CACNB4: variants seen among roughly 807,000 people sequenced by gnomAD.
CACNB4 encodes the protein voltage-dependent L-type calcium channel subunit beta-4.
Under a neutral mutation model 71.2 loss-of-function variants are expected in CACNB4, and 32 were observed. That is an observed-to-expected ratio of 0.45 (90% confidence interval 0.34 to 0.60). The LOEUF is 0.60. Ranked by LOEUF, CACNB4 falls within the 20% of genes least tolerant of loss-of-function variation. The pLI is 0.01. For missense variants in CACNB4, 464 were observed against 647.9 expected (o/e 0.72, Z 3.08); for synonymous variants, 231 against 236.9 (o/e 0.97, Z 0.23).
rs891821178 is a variant in CACNB4, at chr2:151,951,115, G to A, written c.148-67745C>T. On this transcript the variant is annotated intron_variant, in intron 2 of 13. Transcript: ENST00000539935. ...TAATTTTTGTATTTTCAGTAGAGAC[G>A]GGGTTTCGCCATGTTGGCCAGACTA... is the stretch of plus-strand genomic sequence containing the variant. Among the ~76,000 whole-genome samples, 5 of 151,986 alleles carry A rather than the reference G, an allele frequency of 3.3e-5. No homozygotes were observed. In the East Asian group the frequency reaches 5.8e-4, roughly 18 times the overall value.
rs188932067 is a variant in CACNB4, at chr2:151,879,523, A to G, written c.390+1277T>C. ...CCTTCTAAGTGATGGATGAGAGGGAAGGCTATAACTTGATTATAGAAATGT... is the reference window on the plus strand; with the variant it reads ...CCTTCTAAGTGATGGATGAGAGGGAGGGCTATAACTTGATTATAGAAATGT... On this transcript the variant is annotated intron_variant, in intron 4 of 13. Transcript: ENST00000539935. 1.2e-4 allele frequency: 19 copies of G among 152,196 alleles called. No homozygotes were observed. In the East Asian group the frequency reaches 3.7e-3, roughly 29 times the overall value. 9.4% of individuals were successfully genotyped at this position (152,196 alleles called of 1,614,324 possible).
At chr2:151,907,289 C>T (rs2099855063) in intron 2 of CACNB4, among the ~76,000 whole-genome samples, 1 of 152,166 alleles carries the variant, frequency 6.6e-6, no homozygotes, top group Non-Finnish European at 1.5e-5. Flanking sequence ...AGTTTATGTT[C>T]ATATTTTTTC....
At chr2:151,927,963 T>G (rs1358341555) in intron 2 of CACNB4, among the ~76,000 whole-genome samples, 1 of 152,104 alleles carries the variant, frequency 6.6e-6, no homozygotes, top group Non-Finnish European at 1.5e-5. Flanking sequence ...CAGCAGAAAC[T>G]GAAAGGCCAC....
rs373684966 is a variant in CACNB4, at chr2:152,080,758, G to C, written c.147+17572C>G. On this transcript the variant is annotated intron_variant, in intron 2 of 13. Transcript: ENST00000539935. Reference sequence around the variant, plus strand: ...CAATGTTAGAGGCAGGGCTTACCTAGTAGGAGGTGCTTGGGTCATGAGGCA... The same window carrying C: ...CAATGTTAGAGGCAGGGCTTACCTACTAGGAGGTGCTTGGGTCATGAGGCA... Among the ~76,000 whole-genome samples, 104 of 152,266 alleles carry C rather than the reference G, an allele frequency of 6.8e-4. 2 individuals carry two copies. The South Asian group carries it at 0.021, about 31-fold the overall frequency.
chr2:151,923,704 A>T (rs1468643219), intron 2 of CACNB4, among the ~76,000 whole-genome samples: 1 of 152,236 alleles, frequency 6.6e-6, no homozygotes, highest in Non-Finnish European at 1.5e-5. Context: ...ATGCAAGAAG[A>T]ACCATAAGAC....
chr2:151,844,242 C>T (rs2099836973), intron 12 of CACNB4, among the ~76,000 whole-genome samples: 1 of 152,154 alleles, frequency 6.6e-6, no homozygotes, highest in South Asian at 2.1e-4. Context: ...ATCTATGTCA[C>T]ACTGGGACTT....
intron 2 of CACNB4, chr2:151,971,499 C>A (rs757018184): frequency 2.1e-5 from 15 of 702,718 alleles, no homozygotes; most frequent in Admixed American, 8.0e-5. Flanking sequence ...TCCACCAGAC[C>A]TGTTCCGAGA....
intron 2 of CACNB4, among the ~76,000 whole-genome samples, chr2:151,963,210 G>C (rs1398366627): frequency 6.6e-6 from 1 of 151,522 alleles, no homozygotes; most frequent in Non-Finnish European, 1.5e-5. Context: ...TACATGGGAG[G>C]CTGAGGCAGG....
chr2:152,066,153 C>G (rs1448040096), intron 2 of CACNB4, among the ~76,000 whole-genome samples: 3 of 152,156 alleles, frequency 2.0e-5, no homozygotes, highest in Non-Finnish European at 4.4e-5. Flanking sequence ...GCAGGCTCAA[C>G]CAGATTCAAA....
At chr2:152,019,071 T>C (rs537672180) in intron 2 of CACNB4, among the ~76,000 whole-genome samples, 10 of 152,240 alleles carry the variant, frequency 6.6e-5, no homozygotes, top group Non-Finnish European at 1.5e-4. Context: ...CTCTGCTGCT[T>C]GGAAAATGTA....
chr2:151,842,353 C>T (rs551914126), intron 12 of CACNB4, among the ~76,000 whole-genome samples: 9 of 98,788 alleles, frequency 9.1e-5, no homozygotes, highest in East Asian at 8.0e-4. Context: ...TTTTTTAAGA[C>T]GGAGTCTCAT....
At chr2:151,969,388 C>T (rs1560090869) in intron 2 of CACNB4, 1 of 152,152 alleles carries the variant, frequency 6.6e-6, no homozygotes, top group African/African-American at 2.4e-5. Context: ...GAAGTTTATC[C>T]GCCTCCCTAG....
At chr2:151,985,220 G>C (rs1389187065) in intron 2 of CACNB4, among the ~76,000 whole-genome samples, 1 of 152,058 alleles carries the variant, frequency 6.6e-6, no homozygotes, top group Non-Finnish European at 1.5e-5. Context: ...TATCTTTGTA[G>C]GCATTTGTTT....
chr2:151,887,805 GA>G (rs2099849744), intron 2 of CACNB4, among the ~76,000 whole-genome samples: 1 of 152,164 alleles, frequency 6.6e-6, no homozygotes. Flanking sequence ...GGCTCCAGAT[GA>G]AACATCATTT....
chr2:151,919,852 A>C (rs2099858474), intron 2 of CACNB4, among the ~76,000 whole-genome samples: 1 of 151,846 alleles, frequency 6.6e-6, no homozygotes, highest in Non-Finnish European at 1.5e-5. Flanking sequence ...AAACAAACAA[A>C]CAACAACAAC....
intron 2 of CACNB4, among the ~76,000 whole-genome samples, chr2:152,022,308 C>T (rs1004715602): frequency 1.3e-5 from 2 of 152,272 alleles, no homozygotes; most frequent in Non-Finnish European, 1.5e-5. Flanking sequence ...CATACTCAGC[C>T]CGTAGCCATC....
intron 2 of CACNB4, among the ~76,000 whole-genome samples, chr2:151,994,514 C>T (rs376603130): frequency 2.0e-5 from 3 of 150,016 alleles, no homozygotes; most frequent in Non-Finnish European, 4.4e-5. Context: ...CCAAAAGGGT[C>T]CCCCCTTTTT....
chr2:151,927,945 G>A lies in CACNB4; in HGVS notation c.148-44575C>T, dbSNP rs1447963509. On this transcript the variant is annotated intron_variant, in intron 2 of 13. Coordinates refer to ENST00000539935, the MANE Select transcript of CACNB4 (RefSeq NM_000726.5). ...ACATAAGAAAAAGGAAAATCTTTGC[G>A]CAGGCAGCAGCAGAAACTGAAAGGC... Among the ~76,000 whole-genome samples the A allele has an allele frequency of 5.9e-5, 9 of 152,262 alleles. 1 individual carries two copies. The highest frequency in any genetic ancestry group is 2.1e-4 in the South Asian group (1 of 4,826).
intron 12 of CACNB4, among the ~76,000 whole-genome samples, chr2:151,846,780 C>T (rs1302276793): frequency 1.3e-5 from 2 of 152,052 alleles, no homozygotes; most frequent in Non-Finnish European, 2.9e-5. Context: ...ATATTGAACT[C>T]ATGGGCTCAA....
Sources: allele counts gnomAD v4.1 joint callset (sites outside exome capture counted in the v4.1 genomes callset), GRCh38; gene constraint gnomAD v4.1.1; transcripts MANE v1.5; gene names NCBI Gene and HGNC (gene_info 2026-07-23, HGNC 2026-07-21).